ADAMTS17: variants seen among roughly 807,000 people sequenced by gnomAD.
ADAMTS17 encodes the protein A disintegrin and metalloproteinase with thrombospondin motifs 17.
In ADAMTS17, 113 loss-of-function variants were observed where a neutral mutation model predicts 141.5. The observed-to-expected ratio is 0.80, with a 90% CI of 0.69 to 0.93. The LOEUF (loss-of-function observed/expected upper bound fraction) is 0.93. ADAMTS17 is among the 40% of genes least tolerant of loss of function. The pLI is 0.00. For missense variants in ADAMTS17, 1,659 were observed against 1,517.9 expected, an observed-to-expected ratio of 1.09 and a Z score of -1.54; for synonymous variants, 768 against 630.6, an observed-to-expected ratio of 1.22 and a Z score of -3.27.
chr15:100,090,068 A>G (rs2035359814), intron 15 of ADAMTS17, among the ~76,000 whole-genome samples: 1 of 152,064 alleles, frequency 6.6e-6, no homozygotes, highest in Non-Finnish European at 1.5e-5. Flanking sequence ...TTCCTTCTCT[A>G]CTGAAAAATT....
At position 100,004,193 on chromosome 15, in the gene ADAMTS17, C is replaced by T. The variant is rs146217360; in HGVS notation, c.2592-6604G>A. 2.7e-3 allele frequency among the ~76,000 whole-genome samples: 405 copies of T among 152,330 alleles called. 1 individual carries two copies. Among genetic ancestry groups the T allele is most frequent in the African/African-American group, 9.2e-3 (384 of 41,578 alleles). On this transcript the variant is annotated intron_variant, in intron 18 of 21. Transcript: ENST00000268070. The stretch of plus-strand genomic sequence containing the variant: ...TTCACACCTGCAGTGCAGGAGGAGC[C>T]GTCTACGGGGGTTGCTGTGTGGACT...
At chr15:100,239,921 AAGGAGG>A (rs2042778324) in intron 7 of ADAMTS17, among the ~76,000 whole-genome samples, 1 of 152,086 alleles carries the variant, frequency 6.6e-6, no homozygotes, top group Admixed American at 6.6e-5. Context: ...TCAGCCAGTG[AAGGAGG>A]AGGTGGTCTC....
chr15:100,248,639 G>A (rs1386755878), intron 7 of ADAMTS17, among the ~76,000 whole-genome samples: 1 of 152,184 alleles, frequency 6.6e-6, no homozygotes, highest in African/African-American at 2.4e-5. Context: ...CTCAGTGAGG[G>A]GATGGTGGCT....
intron 13 of ADAMTS17, among the ~76,000 whole-genome samples, chr15:100,114,136 A>G (rs1031178264): frequency 1.3e-5 from 2 of 149,166 alleles, no homozygotes; most frequent in African/African-American, 4.9e-5. Context: ...TGGAAAATCT[A>G]CCTCTGCAAG....
In ADAMTS17 at chr15:100,200,061, C is replaced by T. The variant is rs185240106; in HGVS notation, c.1076-638G>A. Among the ~76,000 whole-genome samples, 477 of 152,366 alleles carry T rather than the reference C, an allele frequency of 3.1e-3. 1 individual carries two copies. The highest frequency in any genetic ancestry group is 0.01 in the African/African-American group (418 of 41,586). On this transcript the variant is annotated intron_variant, in intron 7 of 21. Coordinates refer to ENST00000268070, the MANE Select transcript of ADAMTS17 (RefSeq NM_139057.4). Reference sequence around the variant, plus strand: ...GAAGACCCAGAGGAAGCGGAGCCAGCGCTGGGAGAGCCAGGGTCTTGAAGT... The same window carrying T: ...GAAGACCCAGAGGAAGCGGAGCCAGTGCTGGGAGAGCCAGGGTCTTGAAGT...
intron 7 of ADAMTS17, among the ~76,000 whole-genome samples, chr15:100,238,516 C>T (rs933044979): frequency 5.3e-5 from 8 of 152,188 alleles, no homozygotes; most frequent in African/African-American, 1.2e-4. Flanking sequence ...GACAAAGATC[C>T]GTCCTGAACA....
At chr15:99,996,269 T>A (rs2060800990) in intron 19 of ADAMTS17, among the ~76,000 whole-genome samples, 1 of 152,094 alleles carries the variant, frequency 6.6e-6, no homozygotes, top group Admixed American at 6.5e-5. Flanking sequence ...GTGGAAAATT[T>A]ATGGTTTTGA....
intron 20 of ADAMTS17, among the ~76,000 whole-genome samples, chr15:99,982,689 C>T (rs553120090): frequency 3.5e-4 from 53 of 152,338 alleles, no homozygotes; most frequent in Non-Finnish European, 1.6e-4. Context: ...TTGTTTGGTC[C>T]TTTTGTCAAG....
chr15:100,203,653 C>T (rs1345007263), intron 7 of ADAMTS17, among the ~76,000 whole-genome samples: 6 of 152,000 alleles, frequency 3.9e-5, no homozygotes, highest in Admixed American at 2.6e-4. Flanking sequence ...TGCAGTGAGC[C>T]GAGATCGCGC....
intron 15 of ADAMTS17, among the ~76,000 whole-genome samples, chr15:100,077,443 C>G (rs1324816826): frequency 7.6e-6 from 1 of 131,558 alleles, no homozygotes. Flanking sequence ...GCCTGGGCAA[C>G]AGAGTGAGAC....
At chr15:100,282,829 C>T (rs565003872) in intron 3 of ADAMTS17, among the ~76,000 whole-genome samples, 1 of 152,164 alleles carries the variant, frequency 6.6e-6, no homozygotes, top group South Asian at 2.1e-4. Flanking sequence ...TAAAATCATA[C>T]CACGAAGATG....
At chr15:100,237,439 C>A (rs1276330132) in intron 7 of ADAMTS17, among the ~76,000 whole-genome samples, 2 of 144,404 alleles carry the variant, frequency 1.4e-5, no homozygotes, top group African/African-American at 5.1e-5. Context: ...CTAGGAGATC[C>A]ACACGACGAC....
At chr15:100,193,716 G>A (rs2041007474) in intron 8 of ADAMTS17, among the ~76,000 whole-genome samples, 1 of 151,972 alleles carries the variant, frequency 6.6e-6, no homozygotes, top group Non-Finnish European at 1.5e-5. Flanking sequence ...TCTACGCCAA[G>A]CTCCCAGCTT....
intron 7 of ADAMTS17, among the ~76,000 whole-genome samples, chr15:100,235,149 G>A (rs967785310): frequency 4.6e-5 from 7 of 152,142 alleles, no homozygotes; most frequent in South Asian, 2.1e-4. Context: ...GGAGGTGCTC[G>A]GGGAGAAACG....
chr15:100,087,667 T>C (rs1034467430), intron 15 of ADAMTS17, among the ~76,000 whole-genome samples: 4 of 152,222 alleles, frequency 2.6e-5, no homozygotes, highest in Admixed American at 6.5e-5. Flanking sequence ...ATTCCTGGGA[T>C]GCAAGGCTGG....
chr15:100,167,090 A>G (rs2039979275), intron 8 of ADAMTS17, among the ~76,000 whole-genome samples: 1 of 152,222 alleles, frequency 6.6e-6, no homozygotes, highest in Admixed American at 6.5e-5. Flanking sequence ...GTGACCGAGG[A>G]ACTAATTTTT....
chr15:100,207,007 T>C (rs760212314), intron 7 of ADAMTS17, among the ~76,000 whole-genome samples: 1 of 152,218 alleles, frequency 6.6e-6, no homozygotes, highest in Non-Finnish European at 1.5e-5. Flanking sequence ...TGCATTTTAA[T>C]CATGCTCACT....
chr15:100,135,432 C>T (rs974529791), intron 10 of ADAMTS17, among the ~76,000 whole-genome samples: 27 of 151,922 alleles, frequency 1.8e-4, no homozygotes, highest in Non-Finnish European at 3.1e-4. Flanking sequence ...CACAGGCGCC[C>T]GCCACCACAC....
intron 4 of ADAMTS17, among the ~76,000 whole-genome samples, chr15:100,267,680 T>C (rs1351306108): frequency 2.6e-5 from 3 of 117,436 alleles, no homozygotes; most frequent in African/African-American, 9.7e-5. Context: ...CCCCCCTCCC[T>C]GTCTCCCTTC....
Sources: allele counts gnomAD v4.1 joint callset (sites outside exome capture counted in the v4.1 genomes callset), GRCh38; gene constraint gnomAD v4.1.1; transcripts MANE v1.5; gene names NCBI Gene and HGNC (gene_info 2026-07-23, HGNC 2026-07-21).